The following RPS6KB1 variants were observed in gnomAD, a reference collection of about 807,000 sequenced individuals.
RPS6KB1 encodes the protein ribosomal protein S6 kinase beta-1.
A neutral mutation model predicts 70.2 loss-of-function variants in RPS6KB1; 12 were observed. The ratio of observed to expected loss-of-function variants is 0.17; its 90% CI spans 0.11 to 0.28. RPS6KB1 has a LOEUF of 0.28. RPS6KB1 is among the 10% of genes least tolerant of loss of function. The pLI is 1.00. For missense variants in RPS6KB1, 270 were observed against 646.6 expected, an observed-to-expected ratio of 0.42 and a Z score of 6.32; for synonymous variants, 175 against 211.2, an observed-to-expected ratio of 0.83 and a Z score of 1.49.
chr17:59,926,856 C>T (rs1259007476), intron 5 of RPS6KB1, among the ~76,000 whole-genome samples: 5 of 152,016 alleles, frequency 3.3e-5, no homozygotes, highest in Non-Finnish European at 7.4e-5. Flanking sequence ...CTAAGTGATG[C>T]AGAGCCATCA....
chr17:59,893,529 C>G lies in RPS6KB1; in HGVS notation c.141+204C>G, dbSNP rs751637362. Among the ~76,000 whole-genome samples the G allele has an allele frequency of 6.6e-6, 1 of 152,190 alleles. No individual in the cohort carries two copies. Among genetic ancestry groups the G allele is most frequent in the African/African-American group, 2.4e-5 (1 of 41,458 alleles). On this transcript the variant is annotated intron_variant, in intron 1 of 14. Transcript: ENST00000225577. The surrounding 1 kb of genome is among the most constrained non-coding windows in gnomAD (Gnocchi z 4.1). The stretch of plus-strand genomic sequence containing the variant: ...GCGGGGCTCGCAGGTGCAGGTCGCA[C>G]CCTTAGCCCCAGGTCAGCGCAGCCC...
At chr17:59,925,083 G>A (rs2043524783) in intron 4 of RPS6KB1, among the ~76,000 whole-genome samples, 2 of 151,872 alleles carry the variant, frequency 1.3e-5, no homozygotes, top group African/African-American at 2.4e-5. Context: ...CGCCCTCCTC[G>A]GCCTCCCAAA....
At chr17:59,901,419 G>A (rs1172885743) in intron 1 of RPS6KB1, among the ~76,000 whole-genome samples, 4 of 150,664 alleles carry the variant, frequency 2.7e-5, no homozygotes, top group Admixed American at 6.6e-5. Flanking sequence ...AAAGTGCTGG[G>A]ATTACAGGCG....
chr17:59,908,806 G>A (rs1006778080), intron 1 of RPS6KB1, among the ~76,000 whole-genome samples: 2 of 141,418 alleles, frequency 1.4e-5, no homozygotes, highest in Non-Finnish European at 3.0e-5. Flanking sequence ...TTTTAGTAGA[G>A]ACGGGGTTTC....
chr17:59,947,696 C>G lies in RPS6KB1; in HGVS notation c.*908C>G. ...ATTGCACTGGAAAAAAAAATCGCCA[C>G]CTGTTCTTACACCAGTATTTGGTTC... On this transcript the variant is annotated 3_prime_UTR_variant, in exon 15 of 15. Transcript: ENST00000225577. 1.4e-6 allele frequency: 1 copy of G among 733,064 alleles called. No homozygotes were observed. Among genetic ancestry groups the G allele is most frequent in the Non-Finnish European group, 2.4e-6 (1 of 409,906 alleles). The allele number at this position is 733,064 out of a possible 1,614,324, so 45.4% of individuals were successfully genotyped here.
chr17:59,919,063 T>A (rs2043123329), intron 4 of RPS6KB1, among the ~76,000 whole-genome samples: 1 of 152,114 alleles, frequency 6.6e-6, no homozygotes, highest in Non-Finnish European at 1.5e-5. Context: ...ACTCCTGACC[T>A]CAAGTGATCT....
Position 59,947,541 on chromosome 17 carries a change from AT to A in RPS6KB1, c.*754del. The stretch of plus-strand genomic sequence containing the variant: ...AACCCAGCTGCAATACCTGTCTGTA[AT>A]ATGAGAAAAAAAAAATGAATCTATT... On this transcript the variant is annotated 3_prime_UTR_variant, in exon 15 of 15. Coordinates refer to ENST00000225577, the MANE Select transcript of RPS6KB1 (RefSeq NM_003161.4). 6.5e-7 allele frequency: 1 copy of A among 1,536,886 alleles called. No homozygotes were observed.
At chr17:59,905,508 A>ATTT (rs796408273) in intron 1 of RPS6KB1, among the ~76,000 whole-genome samples, 175 of 141,176 alleles carry the variant, frequency 1.2e-3, no homozygotes, top group African/African-American at 4.1e-3. Flanking sequence ...TTTTGGGAGG[A>ATTT]TTTTTTTTTT....
intron 13 of RPS6KB1, among the ~76,000 whole-genome samples, chr17:59,941,879 G>A (rs984575113): frequency 7.3e-6 from 1 of 136,506 alleles, no homozygotes; most frequent in African/African-American, 2.8e-5. Flanking sequence ...TTTTTTTTGA[G>A]AAGGAGTCTC....
At chr17:59,936,027 G>A (rs1183217611) in intron 10 of RPS6KB1, among the ~76,000 whole-genome samples, 188 bp from the exon 11 acceptor site, 5 of 151,594 alleles carry the variant, frequency 3.3e-5, no homozygotes, top group East Asian at 3.9e-4. Flanking sequence ...GGCCAACCTC[G>A]AACTCCCAAC....
intron 1 of RPS6KB1, among the ~76,000 whole-genome samples, chr17:59,909,135 T>C (rs373899743): frequency 1.4e-5 from 2 of 145,816 alleles, no homozygotes. Context: ...TCCATATTGG[T>C]AAGGCTGGTC....
chr17:59,896,255 G>A (rs924898683), intron 1 of RPS6KB1, among the ~76,000 whole-genome samples: 5 of 151,396 alleles, frequency 3.3e-5, no homozygotes, highest in Non-Finnish European at 7.4e-5. Flanking sequence ...GTGCAATGGC[G>A]CTATCTCGGC....
chr17:59,950,342 A>G lies in RPS6KB1; in HGVS notation c.*3554A>G, dbSNP rs1301818699. Reference sequence around the variant, plus strand: ...GAGGGTAACACCTGTTCTGCTTTTCATCTTGTATTTAGTTGACTGTATTAT... The same window carrying G: ...GAGGGTAACACCTGTTCTGCTTTTCGTCTTGTATTTAGTTGACTGTATTAT... On this transcript the variant is annotated 3_prime_UTR_variant, in exon 15 of 15. Transcript: ENST00000225577. 2 of 152,606 alleles carry G rather than the reference A, an allele frequency of 1.3e-5. No homozygotes were observed. Among genetic ancestry groups the G allele is most frequent in the African/African-American group, 4.8e-5 (2 of 41,450 alleles). The allele number at this position is 152,606 out of a possible 1,614,324, so 9.5% of individuals were successfully genotyped here.
At chr17:59,910,533 A>T in intron 1 of RPS6KB1, 29 bp from the exon 2 acceptor site, 1 of 1,452,308 alleles carries the variant, frequency 6.9e-7, no homozygotes, top group Non-Finnish European at 9.6e-7. Context: ...TTATTAGATT[A>T]TTTCTGAAAC....
Position 59,947,937 on chromosome 17 carries a change from T to G in RPS6KB1, c.*1149T>G, listed in dbSNP as rs1280032523. ...TTTCTGCTGTCTACCTTCCTTATAT[T>G]TTTTTCCTCAACAGTTTTAAAAAGA... is the stretch of plus-strand genomic sequence containing the variant. On this transcript the variant is annotated 3_prime_UTR_variant, in exon 15 of 15. Transcript: ENST00000225577. The G allele has an allele frequency of 3.7e-6, 1 of 270,100 alleles. No homozygotes were observed. The highest frequency in any genetic ancestry group is 2.2e-5 in the African/African-American group (1 of 45,528). 16.7% of individuals were successfully genotyped at this position (270,100 alleles called of 1,614,324 possible).
At chr17:59,930,078 T>C in intron 5 of RPS6KB1, 39 bp from the exon 6 acceptor site, 1 of 1,040,698 alleles carries the variant, frequency 9.6e-7, no homozygotes. Flanking sequence ...TGGAAATAAA[T>C]ATTGTTTTAT....
chr17:59,899,327 A>G (rs2041768592), intron 1 of RPS6KB1, among the ~76,000 whole-genome samples: 1 of 152,194 alleles, frequency 6.6e-6, no homozygotes, highest in Non-Finnish European at 1.5e-5. Flanking sequence ...AGCAGGAAAG[A>G]TTTGTGCCTC....
chr17:59,938,183 T>TG (rs1568492659), intron 12 of RPS6KB1, among the ~76,000 whole-genome samples: 55 of 115,012 alleles, frequency 4.8e-4, no homozygotes, highest in African/African-American at 1.5e-3. Context: ...TTTTTTTTTT[T>TG]TGGGGGGGGG....
intron 13 of RPS6KB1, among the ~76,000 whole-genome samples, chr17:59,942,704 G>A (rs939492878): frequency 2.6e-5 from 4 of 152,100 alleles, no homozygotes; most frequent in Admixed American, 2.0e-4. Context: ...CTTATGGGAT[G>A]GGAAATAAGC....
Sources: allele counts gnomAD v4.1 joint callset (sites outside exome capture counted in the v4.1 genomes callset), GRCh38; gene constraint gnomAD v4.1.1; non-coding constraint Gnocchi (gnomAD v3.1); transcripts MANE v1.5; gene names NCBI Gene and HGNC (gene_info 2026-07-23, HGNC 2026-07-21).